The following GRM7 variants were observed in gnomAD, a reference collection of about 807,000 sequenced individuals.
GRM7 encodes the protein glutamate metabotropic receptor 7.
In GRM7, 35 loss-of-function variants were observed where a neutral mutation model predicts 84.5. The observed-to-expected ratio is 0.41, with a 90% CI of 0.32 to 0.55. The LOEUF (loss-of-function observed/expected upper bound fraction) is 0.55, where lower values mean the gene tolerates loss of function less well. GRM7 is among the 20% of genes least tolerant of loss of function. The probability of loss-of-function intolerance (pLI) is 0.19; values close to 1 mark genes in which losing one functional copy is unlikely to be tolerated. For synonymous variants in GRM7, 487 were observed against 455.1 expected, an observed-to-expected ratio of 1.07 and a Z score of -0.89; for missense variants, 1,003 against 1,194.6, an observed-to-expected ratio of 0.84 and a Z score of 2.36.
chr3:7,359,428 G>T (rs1258559638), intron 4 of GRM7, among the ~76,000 whole-genome samples: 2 of 142,016 alleles, frequency 1.4e-5, no homozygotes, highest in African/African-American at 5.5e-5. Context: ...TCCGTCTTCT[G>T]GGTTCAAGCG....
At chr3:7,638,122 A>G (rs1291987532) in intron 8 of GRM7, among the ~76,000 whole-genome samples, 2 of 152,096 alleles carry the variant, frequency 1.3e-5, no homozygotes, top group Non-Finnish European at 2.9e-5. Context: ...TTCTTCATTT[A>G]TTTCCACACT....
intron 1 of GRM7, among the ~76,000 whole-genome samples, chr3:7,090,637 T>C (rs1329302000): frequency 6.6e-6 from 1 of 152,212 alleles, no homozygotes; most frequent in African/African-American, 2.4e-5. Context: ...AGAGAGTTGA[T>C]AGTATTCCTG....
At chr3:7,464,309 G>A (rs1275140592) in intron 7 of GRM7, among the ~76,000 whole-genome samples, 1 of 152,052 alleles carries the variant, frequency 6.6e-6, no homozygotes, top group Non-Finnish European at 1.5e-5. Flanking sequence ...GAGGCAGCTG[G>A]GAGTAGAAGG....
At chr3:6,884,890 G>T (rs527991284) in intron 1 of GRM7, among the ~76,000 whole-genome samples, 1 of 152,114 alleles carries the variant, frequency 6.6e-6, no homozygotes, top group African/African-American at 2.4e-5. Flanking sequence ...GAGCCACCGC[G>T]CCCGGCCAGA....
At chr3:7,506,732 A>G (rs1364927736) in intron 7 of GRM7, among the ~76,000 whole-genome samples, 1 of 152,176 alleles carries the variant, frequency 6.6e-6, no homozygotes, top group Non-Finnish European at 1.5e-5. Flanking sequence ...AGTCAGATAC[A>G]GTTTATTTTT....
intron 7 of GRM7, among the ~76,000 whole-genome samples, chr3:7,552,613 C>T (rs937609262): frequency 2.0e-4 from 30 of 152,152 alleles, no homozygotes; most frequent in Non-Finnish European, 2.9e-5. Context: ...ACCATGCACC[C>T]GCAGGCCCAA....
intron 1 of GRM7, among the ~76,000 whole-genome samples, chr3:6,960,630 A>G (rs1256281629): frequency 6.6e-6 from 1 of 152,084 alleles, no homozygotes; most frequent in Non-Finnish European, 1.5e-5. Context: ...TCTCCAAAAC[A>G]TTTTCAATGT....
chr3:7,220,943 A>G (rs188348518), intron 2 of GRM7, among the ~76,000 whole-genome samples: 15 of 152,208 alleles, frequency 9.9e-5, no homozygotes, highest in East Asian at 9.7e-4. Context: ...AACTACAAAA[A>G]CTTTGCAGGG....
intron 1 of GRM7, among the ~76,000 whole-genome samples, chr3:7,044,521 C>T (rs928413014): frequency 6.6e-6 from 1 of 152,052 alleles, no homozygotes; most frequent in Non-Finnish European, 1.5e-5. Flanking sequence ...CAACACTTCC[C>T]AATCTACTTA....
intron 9 of GRM7, among the ~76,000 whole-genome samples, chr3:7,738,375 AT>A: frequency 6.6e-6 from 1 of 152,268 alleles, no homozygotes; most frequent in Middle Eastern, 3.4e-3. Flanking sequence ...TAAAATGGAG[AT>A]CATAAACAGT....
chr3:7,674,971 T>C (rs1419439146), intron 8 of GRM7, among the ~76,000 whole-genome samples: 1 of 152,212 alleles, frequency 6.6e-6, no homozygotes, highest in Non-Finnish European at 1.5e-5. Context: ...TAACAGTGAT[T>C]TGCCAAACAT....
At chr3:7,523,375 G>C (rs534441801) in intron 7 of GRM7, among the ~76,000 whole-genome samples, 7 of 152,040 alleles carry the variant, frequency 4.6e-5, no homozygotes, top group Non-Finnish European at 1.0e-4. Flanking sequence ...CTGGTTGCTT[G>C]TAACAAACGG....
intron 5 of GRM7, among the ~76,000 whole-genome samples, chr3:7,438,112 G>A (rs1361278916): frequency 6.6e-6 from 1 of 152,056 alleles, no homozygotes; most frequent in Non-Finnish European, 1.5e-5. Context: ...GAACAGGTGA[G>A]GGGTTTCAAT....
chr3:7,389,695 A>G (rs1017507091), intron 4 of GRM7, among the ~76,000 whole-genome samples: 1 of 151,740 alleles, frequency 6.6e-6, no homozygotes, highest in Non-Finnish European at 1.5e-5. Flanking sequence ...TTTTTGTTTT[A>G]TATTTGCATG....
intron 4 of GRM7, among the ~76,000 whole-genome samples, chr3:7,377,454 C>CTTAAT (rs1694399791): frequency 6.6e-6 from 1 of 152,110 alleles, no homozygotes; most frequent in Admixed American, 6.6e-5. Context: ...AAGACAGCGT[C>CTTAAT]TGGAATCAAT....
At chr3:6,894,880 A>G (rs556534203) in intron 1 of GRM7, among the ~76,000 whole-genome samples, 9 of 152,234 alleles carry the variant, frequency 5.9e-5, no homozygotes, top group East Asian at 1.9e-4. Context: ...TGAAACATCT[A>G]TTTTCTCTAG....
chr3:7,630,583 G>C (rs1343384787), intron 8 of GRM7, among the ~76,000 whole-genome samples: 2 of 152,162 alleles, frequency 1.3e-5, no homozygotes, highest in Non-Finnish European at 2.9e-5. Context: ...CTTGGAATGG[G>C]GAAGACAGGT....
intron 1 of GRM7, among the ~76,000 whole-genome samples, chr3:7,015,506 C>A (rs1395745350): frequency 2.0e-5 from 3 of 152,160 alleles, no homozygotes; most frequent in African/African-American, 7.2e-5. Context: ...TGCTACATAA[C>A]AAATTAATGC....
intron 1 of GRM7, among the ~76,000 whole-genome samples, chr3:6,937,767 G>T (rs187176513): frequency 6.6e-6 from 1 of 152,196 alleles, no homozygotes; most frequent in Non-Finnish European, 1.5e-5. Flanking sequence ...GAACAAGGAG[G>T]TGTAATTTCT....
Sources: allele counts gnomAD v4.1 joint callset (sites outside exome capture counted in the v4.1 genomes callset), GRCh38; gene constraint gnomAD v4.1.1; transcripts MANE v1.5; gene names NCBI Gene and HGNC (gene_info 2026-07-23, HGNC 2026-07-21).